ALK: variants seen among roughly 807,000 people sequenced by gnomAD.
ALK encodes the protein ALK tyrosine kinase receptor.
A neutral mutation model predicts 163.1 loss-of-function variants in ALK; 74 were observed. That is an observed-to-expected ratio of 0.45 (90% CI 0.38 to 0.55). The LOEUF (loss-of-function observed/expected upper bound fraction) is 0.55. ALK is among the 20% of genes least tolerant of loss of function. ALK has a pLI of 0.00. For missense variants in ALK, 2,063 were observed against 2,105.3 expected (o/e 0.98, Z 0.39); for synonymous variants, 960 against 843.2 (o/e 1.14, Z -2.40).
chr2:29,522,380 A>T (rs1280261931), intron 4 of ALK, among the ~76,000 whole-genome samples: 8 of 152,180 alleles, frequency 5.3e-5, no homozygotes, highest in Admixed American at 4.6e-4. Context: ...GCATCAAGTG[A>T]TTCTTCCTCT....
At chr2:29,220,916 A>C (rs2148166949) in intron 22 of ALK, 81 bp from the exon 23 acceptor site, 1 of 1,589,314 alleles carries the variant, frequency 6.3e-7, no homozygotes, top group Non-Finnish European at 8.6e-7. Flanking sequence ...CAGGATACAA[A>C]GTTACATTTT....
At chr2:29,545,549 A>G (rs1279252141) in intron 3 of ALK, among the ~76,000 whole-genome samples, 1 of 152,192 alleles carries the variant, frequency 6.6e-6, no homozygotes, top group Admixed American at 6.5e-5. Context: ...TTCACCTTGC[A>G]GCTGAGGAAA....
intron 13 of ALK, among the ~76,000 whole-genome samples, chr2:29,236,139 G>C (rs1664375418): frequency 6.6e-6 from 1 of 151,746 alleles, no homozygotes. Flanking sequence ...ATCACACCCT[G>C]CTCAGTCTGG....
At chr2:29,518,400 T>A (rs1049424388) in intron 4 of ALK, among the ~76,000 whole-genome samples, 3 of 152,182 alleles carry the variant, frequency 2.0e-5, no homozygotes, top group Admixed American at 2.0e-4. Flanking sequence ...GGAATGTCAA[T>A]AGCAAACAAG....
At chr2:29,416,979 C>CCTTTTTT (rs1177704836) in intron 4 of ALK, among the ~76,000 whole-genome samples, 2 of 77,664 alleles carry the variant, frequency 2.6e-5, no homozygotes, top group African/African-American at 1.1e-4. Context: ...ATGTTTGATG[C>CCTTTTTT]TTTTTTTTTT....
chr2:29,498,832 G>A (rs1346708861), intron 4 of ALK, among the ~76,000 whole-genome samples: 6 of 152,228 alleles, frequency 3.9e-5, no homozygotes, highest in African/African-American at 1.2e-4. Context: ...AGTGAGGAGA[G>A]TGTGGAGTTG....
chr2:29,655,487 G>A (rs73921143), intron 3 of ALK, among the ~76,000 whole-genome samples: 3 of 152,146 alleles, frequency 2.0e-5, no homozygotes, highest in Non-Finnish European at 4.4e-5. Context: ...CTAACACTGA[G>A]GTTTCACTAA....
rs80136080 is a variant in ALK, at chr2:29,459,236, G to A, written c.1154+72679C>T. Among the ~76,000 whole-genome samples the A allele has an allele frequency of 8.9e-3, 1,345 of 151,526 alleles. 24 individuals are homozygous for A. The highest frequency in any genetic ancestry group is 0.031 in the African/African-American group (1,294 of 41,326). On this transcript the variant is annotated intron_variant, in intron 4 of 28. Coordinates refer to ENST00000389048, the MANE Select transcript of ALK (RefSeq NM_004304.5). ...CCCTTTGTTCACTCCTTAATTTACCGAGAGGTTAACATAATGAATGATCTC... is the reference window on the plus strand; with the variant it reads ...CCCTTTGTTCACTCCTTAATTTACCAAGAGGTTAACATAATGAATGATCTC...
At chr2:29,833,922 A>G (rs1176275030) in intron 1 of ALK, among the ~76,000 whole-genome samples, 1 of 152,198 alleles carries the variant, frequency 6.6e-6, no homozygotes, top group Non-Finnish European at 1.5e-5. Flanking sequence ...ATAGACTTTG[A>G]CATTACCAAT....
chr2:29,824,031 T>C (rs188124090), intron 1 of ALK, among the ~76,000 whole-genome samples: 3 of 152,274 alleles, frequency 2.0e-5, no homozygotes, highest in Non-Finnish European at 4.4e-5. Flanking sequence ...CTGTGTGCAG[T>C]CTAGGGACTT....
intron 1 of ALK, among the ~76,000 whole-genome samples, chr2:29,814,835 T>TGCA (rs879278201): frequency 6.6e-6 from 1 of 151,574 alleles, no homozygotes; most frequent in Non-Finnish European, 1.5e-5. Context: ...GTATGAGAAA[T>TGCA]TGTAAGTACA....
chr2:29,313,364 G>C (rs528789512), intron 8 of ALK, among the ~76,000 whole-genome samples: 2 of 152,294 alleles, frequency 1.3e-5, no homozygotes, highest in Non-Finnish European at 2.9e-5. Flanking sequence ...AACTCCATTT[G>C]AGTCCTGTAG....
intron 3 of ALK, among the ~76,000 whole-genome samples, chr2:29,621,271 T>C (rs1319274472): frequency 6.6e-6 from 1 of 152,238 alleles, no homozygotes; most frequent in African/African-American, 2.4e-5. Flanking sequence ...TTAGATGAAT[T>C]GTTCATCGCT....
At chr2:29,320,951 C>G (rs1054973958) in intron 6 of ALK, 69 bp from the exon 7 acceptor site, 16 of 1,604,962 alleles carry the variant, frequency 1.0e-5, no homozygotes, top group Non-Finnish European at 1.2e-5. Context: ...AATGCCAAGT[C>G]GAATTAGCCA....
chr2:29,865,784 C>T (rs187473485), intron 1 of ALK, among the ~76,000 whole-genome samples: 48 of 152,258 alleles, frequency 3.2e-4, no homozygotes, highest in African/African-American at 1.1e-3. Flanking sequence ...TAACATTCTG[C>T]CTGACACATA....
intron 5 of ALK, among the ~76,000 whole-genome samples, chr2:29,360,378 A>G (rs981868697): frequency 2.0e-5 from 3 of 152,142 alleles, no homozygotes; most frequent in African/African-American, 4.8e-5. Flanking sequence ...GCCCTTGGTC[A>G]GCTAATCCTC....
intron 13 of ALK, among the ~76,000 whole-genome samples, chr2:29,238,751 C>G (rs1664445536): frequency 3.3e-5 from 5 of 152,290 alleles, no homozygotes; most frequent in African/African-American, 1.2e-4. Context: ...ATCGCCTCCT[C>G]CTGCCTGCTT....
chr2:29,506,629 C>T (rs990735170), intron 4 of ALK, among the ~76,000 whole-genome samples: 1 of 152,000 alleles, frequency 6.6e-6, no homozygotes, highest in South Asian at 2.1e-4. Flanking sequence ...GCCTGTAGTC[C>T]CAGCTCCTCA....
At chr2:29,520,605 G>A (rs569275079) in intron 4 of ALK, among the ~76,000 whole-genome samples, 1 of 152,286 alleles carries the variant, frequency 6.6e-6, no homozygotes, top group Admixed American at 6.5e-5. Flanking sequence ...CTCAAGAAAG[G>A]CTTTGTGGAA....
Sources: gnomAD v4.1 joint callset for allele counts (sites outside exome capture counted in the v4.1 genomes callset) on GRCh38, gnomAD v4.1.1 for gene constraint, MANE v1.5 for transcripts, NCBI Gene and HGNC (gene_info 2026-07-23, HGNC 2026-07-21) for gene names.